The following TSNARE1 variants were observed in gnomAD, a reference collection of about 807,000 sequenced individuals.
The protein encoded by TSNARE1 is t-SNARE domain containing 1, also known as t-SNARE domain-containing protein 1.
In TSNARE1, 49 loss-of-function variants were observed where a neutral mutation model predicts 62.0. The ratio of observed to expected loss-of-function variants is 0.79; its 90% CI spans 0.63 to 1.00. The LOEUF is 1.00. TSNARE1 is among the 50% of genes least tolerant of loss of function. The pLI is 0.00. For missense variants in TSNARE1, 755 were observed against 700.1 expected (o/e 1.08, Z -0.88); for synonymous variants, 328 against 294.4 (o/e 1.11, Z -1.17).
intron 12 of TSNARE1, among the ~76,000 whole-genome samples, chr8:142,251,234 C>T (rs1046814756): frequency 6.6e-6 from 1 of 151,988 alleles, no homozygotes; most frequent in African/African-American, 2.4e-5. Context: ...ACCCCGGCCC[C>T]CCTGCACACC....
At chr8:142,249,950 C>A (rs1267802850) in intron 12 of TSNARE1, among the ~76,000 whole-genome samples, 2 of 152,232 alleles carry the variant, frequency 1.3e-5, no homozygotes, top group Non-Finnish European at 2.9e-5. Flanking sequence ...ATAGCCTGGG[C>A]TGATGGCTAC....
intron 1 of TSNARE1, among the ~76,000 whole-genome samples, chr8:142,400,890 C>G (rs1353416172): frequency 6.6e-6 from 1 of 152,226 alleles, no homozygotes; most frequent in Non-Finnish European, 1.5e-5. Context: ...CCCAGGGTGA[C>G]TGTGAGAGTA....
At chr8:142,217,333 AAGAAAGAAAGAAAGAAAG>A (rs1815909802) in intron 13 of TSNARE1, among the ~76,000 whole-genome samples, 2 of 79,440 alleles carry the variant, frequency 2.5e-5, no homozygotes, top group African/African-American at 9.1e-5. Context: ...GAAAGAAAGA[AAGAAAGAAAGAAAGAAAG>A]AAAGAAAGAA....
Position 142,300,578 on chromosome 8 carries a change from A to G in TSNARE1, c.1198T>C (p.Trp400Arg), listed in dbSNP as rs774912478. ...EKVFNGSDNMWQGQEQALLPD... is the reference protein window; with the variant it reads ...EKVFNGSDNMRQGQEQALLPD... The stretch of plus-strand genomic sequence containing the variant: ...AGCAGCGCCTGCTCCTGGCCCTGCC[A>G]CATGTTGTCACTCCCGTTAAAGACC... The change falls in exon 10 of 14, where the codon TGG becomes CGG. Residue 400 changes from tryptophan (W) to arginine (R), a missense_variant. Trp to Arg is a moderately radical substitution (Grantham distance 101, BLOSUM62 -3). Coordinates refer to ENST00000524325, the MANE Select transcript of TSNARE1 (RefSeq NM_145003.5). 9.9e-6 allele frequency: 16 copies of G among 1,613,368 alleles called. No individual in the cohort carries two copies. Among genetic ancestry groups the G allele is most frequent in the Non-Finnish European group, 1.2e-5 (14 of 1,180,002 alleles).
intron 12 of TSNARE1, among the ~76,000 whole-genome samples, chr8:142,244,970 A>T (rs1817828623): frequency 6.6e-6 from 1 of 152,268 alleles, no homozygotes; most frequent in Admixed American, 6.5e-5. Context: ...CAGACGCTGC[A>T]CCATCATTAC....
chr8:142,379,360 C>T (rs1836568396), intron 1 of TSNARE1, among the ~76,000 whole-genome samples: 1 of 152,190 alleles, frequency 6.6e-6, no homozygotes, highest in Non-Finnish European at 1.5e-5. Context: ...GCTCTGCACT[C>T]GTGCTGCGCT....
rs552911008 is a variant in TSNARE1, at chr8:142,288,117, C to G, written c.1291-3632G>C. Reference sequence around the variant, plus strand: ...AGCATGGCTCCGAGCCCCTGCCCAGCCTGTGGGGATGCAGCTTTGGTGAGA... The same window carrying G: ...AGCATGGCTCCGAGCCCCTGCCCAGGCTGTGGGGATGCAGCTTTGGTGAGA... On this transcript the variant is annotated intron_variant, in intron 10 of 13. Coordinates refer to ENST00000524325, the MANE Select transcript of TSNARE1 (RefSeq NM_145003.5). 4.6e-5 allele frequency among the ~76,000 whole-genome samples: 7 copies of G among 152,382 alleles called. No homozygotes were observed. The South Asian group carries it at 1.4e-3, about 32-fold the overall frequency.
chr8:142,308,602 GC>G (rs1827080462), intron 9 of TSNARE1, among the ~76,000 whole-genome samples: 1 of 152,060 alleles, frequency 6.6e-6, no homozygotes, highest in Admixed American at 6.5e-5. Context: ...GTGTCCGTGG[GC>G]TGGTGTGTCC....
rs549982383 is a variant in TSNARE1, at chr8:142,304,833, G to A, written c.1132-4189C>T. 3.9e-5 allele frequency among the ~76,000 whole-genome samples: 6 copies of A among 152,312 alleles called. No individual in the cohort carries two copies. In the South Asian group the frequency reaches 1.0e-3, roughly 26 times the overall value. ...TACGGGGTAGAGACGTTCCTCCCAG[G>A]GGGGACATGGCCATACACGCCCCTG... On this transcript the variant is annotated intron_variant, in intron 9 of 13. Transcript: ENST00000524325.
chr8:142,217,299 AAGAAAAAGAAAG>A (rs1480371402), intron 13 of TSNARE1, among the ~76,000 whole-genome samples: 6 of 130,412 alleles, frequency 4.6e-5, no homozygotes, highest in East Asian at 2.3e-4. Context: ...GAAAGAAAGA[AAGAAAAAGAAAG>A]AAAGAAAGAA....
At chr8:142,376,564 G>C (rs1463866857) in intron 1 of TSNARE1, among the ~76,000 whole-genome samples, 1 of 152,192 alleles carries the variant, frequency 6.6e-6, no homozygotes, top group African/African-American at 2.4e-5. Context: ...AACCACCCCT[G>C]CTGGCACTCT....
intron 13 of TSNARE1, among the ~76,000 whole-genome samples, chr8:142,226,381 C>T (rs1371990822): frequency 6.6e-6 from 1 of 152,172 alleles, no homozygotes; most frequent in Non-Finnish European, 1.5e-5. Context: ...CTCTCTGCAG[C>T]CCGGCTCCTG....
chr8:142,250,706 G>A (rs1291161827), intron 12 of TSNARE1, among the ~76,000 whole-genome samples: 1 of 152,242 alleles, frequency 6.6e-6, no homozygotes, highest in Non-Finnish European at 1.5e-5. Flanking sequence ...CAGACGTGGG[G>A]AAGGCAACAC....
chr8:142,389,665 C>G (rs1037196905), intron 1 of TSNARE1, among the ~76,000 whole-genome samples: 5 of 152,118 alleles, frequency 3.3e-5, no homozygotes, highest in Admixed American at 2.6e-4. Flanking sequence ...TGGACTGATT[C>G]CAAAAGATCT....
intron 4 of TSNARE1, among the ~76,000 whole-genome samples, 171 bp downstream of exon 4, chr8:142,343,791 AGGAG>A (rs1832940024): frequency 2.5e-5 from 1 of 40,518 alleles, no homozygotes; most frequent in African/African-American, 2.7e-4. Flanking sequence ...GAGGAGGAGG[AGGAG>A]GGGGAGGAGG....
intron 4 of TSNARE1, among the ~76,000 whole-genome samples, chr8:142,339,507 C>A (rs1832239108): frequency 6.6e-6 from 1 of 152,164 alleles, no homozygotes; most frequent in African/African-American, 2.4e-5. Flanking sequence ...GTGGATAGAG[C>A]AAATGCTGTT....
intron 10 of TSNARE1, among the ~76,000 whole-genome samples, chr8:142,286,689 T>C (rs774008668): frequency 3.9e-5 from 6 of 152,204 alleles, no homozygotes; most frequent in African/African-American, 1.4e-4. Context: ...GGCTCCATCC[T>C]ACAATGGGGA....
chr8:142,383,934 G>A (rs918173705), intron 1 of TSNARE1, among the ~76,000 whole-genome samples: 2 of 152,116 alleles, frequency 1.3e-5, no homozygotes, highest in African/African-American at 4.8e-5. Context: ...CACAAGTGAG[G>A]GCTATGACCA....
chr8:142,279,938 G>A, intron 11 of TSNARE1: 13 of 1,100,238 alleles, frequency 1.2e-5, no homozygotes, highest in Non-Finnish European at 1.4e-5. Flanking sequence ...CGCTCCACAG[G>A]TGTGAGGAGG....
Sources: gnomAD v4.1 joint callset for allele counts (sites outside exome capture counted in the v4.1 genomes callset) on GRCh38, gnomAD v4.1.1 for gene constraint, MANE v1.5 for transcripts, NCBI Gene and HGNC (gene_info 2026-07-23, HGNC 2026-07-21) for gene names.